GON4L: variants seen among roughly 807,000 people sequenced by gnomAD.
GON4L encodes gon-4 like.
GON4L carries 87 observed loss-of-function variants against 211.8 expected under a neutral mutation model. The ratio of observed to expected loss-of-function variants is 0.41; its 90% CI spans 0.35 to 0.49. GON4L has a LOEUF of 0.49. Ranked by LOEUF, GON4L falls within the 20% of genes least tolerant of loss-of-function variation. GON4L has a pLI of 0.15. For missense variants in GON4L, 2,155 were observed against 2,659.5 expected (o/e 0.81, Z 4.17); for synonymous variants, 875 against 962.6 (o/e 0.91, Z 1.68).
intron 11 of GON4L, among the ~76,000 whole-genome samples, chr1:155,803,760 C>T: frequency 6.6e-6 from 1 of 152,136 alleles, no homozygotes; most frequent in South Asian, 2.1e-4. Flanking sequence ...GACTTGTTCC[C>T]CTGGATTTTA....
At chr1:155,768,710 G>A (rs957052825) in intron 19 of GON4L, among the ~76,000 whole-genome samples, 1 of 151,552 alleles carries the variant, frequency 6.6e-6, no homozygotes, top group African/African-American at 2.4e-5. Flanking sequence ...CTCCCAAAGT[G>A]CTGGGATTAT....
downstream of GON4L, chr1:155,748,535 T>C (rs1371724924): frequency 1.9e-6 from 3 of 1,613,800 alleles, no homozygotes; most frequent in South Asian, 1.1e-5. Context: ...GAAAAAGGTA[T>C]GAAGCTTTGT....
chr1:155,775,932 G>A (rs756828658), intron 16 of GON4L, among the ~76,000 whole-genome samples: 18 of 152,042 alleles, frequency 1.2e-4, no homozygotes, highest in Non-Finnish European at 2.5e-4. Flanking sequence ...CTACAGGTAC[G>A]CACCACCACA....
At chr1:155,774,964 G>A (rs757388647) in intron 17 of GON4L, 38 bp downstream of exon 17, 62 of 1,600,814 alleles carry the variant, frequency 3.9e-5, no homozygotes, top group Middle Eastern at 1.7e-4. Flanking sequence ...ACCTCTCACC[G>A]CAAGTAAAAA....
intron 22 of GON4L, 142 bp from the exon 23 acceptor site, chr1:155,762,516 G>A: frequency 1.5e-6 from 1 of 672,882 alleles, no homozygotes; most frequent in Non-Finnish European, 2.5e-6. Context: ...AATGGTATGA[G>A]AACTAAGTCC....
intron 31 of GON4L, 57 bp from the exon 32 acceptor site, chr1:155,750,790 G>T: frequency 6.6e-7 from 1 of 1,510,078 alleles, no homozygotes. Flanking sequence ...TTGAGACGGA[G>T]TCTCTCTCTG....
intron 2 of GON4L, among the ~76,000 whole-genome samples, chr1:155,850,991 TTGCAGTGAGATGAGATCGTGCCAC>T (rs535985296): frequency 0.02 from 2,839 of 140,550 alleles, 40 homozygotes; most frequent in Non-Finnish European, 0.031. Context: ...GAGGCGGAGG[TTGCAGTGAGATGAGATCGTGCCAC>T]TGCACTCCAG....
intron 12 of GON4L, among the ~76,000 whole-genome samples, chr1:155,788,469 C>T (rs898644295): frequency 6.6e-6 from 1 of 152,040 alleles, no homozygotes; most frequent in African/African-American, 2.4e-5. Flanking sequence ...AAATGAAATA[C>T]GGCTTTTCTA....
At chr1:155,790,007 C>T (rs1346608342) in intron 12 of GON4L, among the ~76,000 whole-genome samples, 1 of 152,068 alleles carries the variant, frequency 6.6e-6, no homozygotes, top group African/African-American at 2.4e-5. Context: ...GGTATGATCA[C>T]AGCTCACTGC....
intron 23 of GON4L, among the ~76,000 whole-genome samples, chr1:155,761,175 GTTTTTTT>G (rs921323729): frequency 1.8e-5 from 2 of 109,540 alleles, no homozygotes; most frequent in African/African-American, 3.8e-5. Context: ...CTTATGTGTG[GTTTTTTT>G]TTTTTTTTTT....
At chr1:155,773,316 AC>A in intron 17 of GON4L, 106 bp from the exon 18 acceptor site, 1 of 1,297,544 alleles carries the variant, frequency 7.7e-7, no homozygotes, top group Non-Finnish European at 1.1e-6. Flanking sequence ...TCCTTACCTA[AC>A]TTGATTCCCT....
chr1:155,750,931 T>G (rs549322224), intron 31 of GON4L, among the ~76,000 whole-genome samples, 198 bp from the exon 32 acceptor site: 1 of 152,116 alleles, frequency 6.6e-6, no homozygotes, highest in East Asian at 1.9e-4. Context: ...ACCTGACTAG[T>G]TTTTATATTT....
rs749658863 is a variant in GON4L at position 155,773,199 on chromosome 1, G to A, written c.2362C>T (p.Pro788Ser). 2.5e-6 allele frequency: 4 copies of A among 1,613,930 alleles called. No homozygotes were observed. The South Asian group carries it at 4.4e-5, about 18-fold the overall frequency. ...KTVKKTANEF[P>S]CLPKQVAWIL... ...CAAGCCACTTGCTTTGGCAAACAGG[G>A]AAATTCATTCGCTATAAGAAAATAA... is the stretch of plus-strand genomic sequence containing the variant. Residue 788 changes from proline (P) to serine (S), a missense_variant, in exon 18 of 32, where the codon CCC becomes TCC. Pro to Ser is a moderately conservative substitution (Grantham distance 74, BLOSUM62 -1). Coordinates refer to ENST00000368331, the MANE Select transcript of GON4L (RefSeq NM_001282860.2).
chr1:155,838,056 C>T (rs1475641024), intron 2 of GON4L, among the ~76,000 whole-genome samples: 1 of 152,016 alleles, frequency 6.6e-6, no homozygotes, highest in Non-Finnish European at 1.5e-5. Context: ...CCCAGGAGTT[C>T]AGGACCAGCC....
intron 19 of GON4L, among the ~76,000 whole-genome samples, chr1:155,769,648 C>T (rs1443787453): frequency 6.6e-6 from 1 of 151,992 alleles, no homozygotes; most frequent in Non-Finnish European, 1.5e-5. Flanking sequence ...CCCCATCCCC[C>T]TAAAAATGCG....
At chr1:155,799,614 C>G (rs58304308) in intron 11 of GON4L, among the ~76,000 whole-genome samples, 3,926 of 152,284 alleles carry the variant, frequency 0.026, 171 homozygotes, top group African/African-American at 0.087. Context: ...TCATTAGATT[C>G]TGATTCAGTA....
At position 155,766,390 on chromosome 1, in the gene GON4L, G is replaced by A. The variant is rs543522601; in HGVS notation, c.3083C>T (p.Ser1028Leu). 1.7e-5 allele frequency: 28 copies of A among 1,614,168 alleles called. 1 individual carries two copies. In the South Asian group the frequency reaches 3.1e-4, roughly 18 times the overall value. The change falls in exon 21 of 32, where the codon TCA (serine) becomes TTA (leucine). Residue 1028 changes from serine (S) to leucine (L), a missense_variant. Transcript: ENST00000368331. ...CACCATTTTGCTCGGAGGGGCTTCT[G>A]AATGAGTTGATCGGGCTGGTGTTTT... ...PGKTPARSTH[S>L]EAPPSKMVLR...
chr1:155,805,288 C>T (rs373932095), intron 10 of GON4L, 147 bp from the exon 11 acceptor site: 20 of 650,930 alleles, frequency 3.1e-5, no homozygotes, highest in East Asian at 5.5e-5. Context: ...TTAAGAAACA[C>T]GACATAAAAA....
chr1:155,771,029 G>T, intron 19 of GON4L, 38 bp downstream of exon 19: 1 of 1,613,304 alleles, frequency 6.2e-7, no homozygotes, highest in Non-Finnish European at 8.5e-7. Flanking sequence ...GGTACATATT[G>T]GTGAGGTGCC....
Sources: gnomAD v4.1 joint callset for allele counts (sites outside exome capture counted in the v4.1 genomes callset) on GRCh38, gnomAD v4.1.1 for gene constraint, MANE v1.5 for transcripts, NCBI Gene and HGNC (gene_info 2026-07-23, HGNC 2026-07-21) for gene names.